PDE4B: variants seen among roughly 807,000 people sequenced by gnomAD.
The protein encoded by PDE4B is phosphodiesterase 4B.
PDE4B carries 20 observed loss-of-function variants against 82.2 expected under a neutral mutation model. That is an observed-to-expected ratio of 0.24 (90% CI 0.17 to 0.35). The LOEUF is 0.35. Among genes scored for constraint, PDE4B ranks in the 10% least tolerant of loss-of-function variants. The pLI, the probability that PDE4B is intolerant of heterozygous loss-of-function variation, is 1.00. For synonymous variants in PDE4B, 320 were observed against 318.9 expected, an observed-to-expected ratio of 1.00 and a Z score of -0.04; for missense variants, 655 against 907.2, an observed-to-expected ratio of 0.72 and a Z score of 3.57.
At chr1:66,200,261 G>A (rs1251295344) in intron 3 of PDE4B, among the ~76,000 whole-genome samples, 3 of 152,182 alleles carry the variant, frequency 2.0e-5, no homozygotes, top group Non-Finnish European at 4.4e-5. Flanking sequence ...TTATAGTATA[G>A]TTTGAAGTCA....
intron 1 of PDE4B, among the ~76,000 whole-genome samples, chr1:65,875,632 T>C (rs1646631121): frequency 6.7e-6 from 1 of 149,070 alleles, no homozygotes; most frequent in South Asian, 2.2e-4. Flanking sequence ...TAAAAAATGA[T>C]GAGTTCATGT....
intron 1 of PDE4B, among the ~76,000 whole-genome samples, chr1:65,845,791 T>C (rs961318334): frequency 2.6e-4 from 39 of 152,146 alleles, no homozygotes; most frequent in African/African-American, 9.4e-4. Context: ...CTCTTTCAGA[T>C]TGAGGAAGTC....
chr1:65,799,221 A>G (rs1357413205), intron 1 of PDE4B, among the ~76,000 whole-genome samples: 1 of 152,208 alleles, frequency 6.6e-6, no homozygotes, highest in East Asian at 1.9e-4. Flanking sequence ...CTGACATGTT[A>G]AAAAGCCATA....
At chr1:65,910,110 G>A (rs935670898) in intron 1 of PDE4B, among the ~76,000 whole-genome samples, 2 of 152,160 alleles carry the variant, frequency 1.3e-5, no homozygotes, top group Admixed American at 6.5e-5. Context: ...CACTTGTCTT[G>A]ATAATTGTGC....
At chr1:66,325,594 A>G (rs1659695015) in intron 7 of PDE4B, among the ~76,000 whole-genome samples, 1 of 152,218 alleles carries the variant, frequency 6.6e-6, no homozygotes, top group Non-Finnish European at 1.5e-5. Context: ...TCTATATTTT[A>G]GAAGTGGAAA....
chr1:66,254,788 C>G (rs1402561651), intron 4 of PDE4B, among the ~76,000 whole-genome samples: 1 of 152,190 alleles, frequency 6.6e-6, no homozygotes, highest in African/African-American at 2.4e-5. Flanking sequence ...TGCAAAACCT[C>G]TGGGCTCTCT....
chr1:65,878,396 A>T (rs1369759656), intron 1 of PDE4B, among the ~76,000 whole-genome samples: 1 of 152,228 alleles, frequency 6.6e-6, no homozygotes, highest in Non-Finnish European at 1.5e-5. Flanking sequence ...TACCCAAAGG[A>T]TTATATATCA....
intron 7 of PDE4B, among the ~76,000 whole-genome samples, chr1:66,313,539 T>C (rs999577019): frequency 2.0e-5 from 3 of 152,200 alleles, no homozygotes; most frequent in Non-Finnish European, 4.4e-5. Context: ...TAAGGTCCCT[T>C]CCAGATTCAA....
At chr1:65,794,990 A>C (rs1645614621) in intron 1 of PDE4B, among the ~76,000 whole-genome samples, 1 of 152,220 alleles carries the variant, frequency 6.6e-6, no homozygotes, top group African/African-American at 2.4e-5. Context: ...CCTGTTAGAC[A>C]TACTGTTTGC....
intron 3 of PDE4B, among the ~76,000 whole-genome samples, chr1:66,038,680 G>A (rs1296282858): frequency 2.6e-5 from 4 of 152,120 alleles, no homozygotes; most frequent in African/African-American, 9.7e-5. Flanking sequence ...ACTTGTGATT[G>A]TTTTGTAAAT....
Position 66,272,779 on chromosome 1 carries a change from CTTTTTT to C in PDE4B, c.634+6712_634+6717del, listed in dbSNP as rs869201227. Among the ~76,000 whole-genome samples, 34 of 61,674 alleles carry C rather than the reference CTTTTTT, an allele frequency of 5.5e-4. No individual in the cohort carries two copies. The East Asian group carries it at 9.1e-3, about 16-fold the overall frequency. The allele number at this position is 61,674 out of a possible 152,430, so 40.5% of individuals were successfully genotyped here. On this transcript the variant is annotated intron_variant, in intron 7 of 16. Transcript: ENST00000341517. Reference sequence around the variant, plus strand: ...CAGCTTCCATTCTGGTACTAGAATTCTTTTTTTTTTTTTTTTTTTTTTTTTGGAGGG... The same window carrying C: ...CAGCTTCCATTCTGGTACTAGAATTCTTTTTTTTTTTTTTTTTTTGGAGGG...
chr1:66,208,552 A>G (rs1649753165), intron 3 of PDE4B, among the ~76,000 whole-genome samples: 1 of 152,178 alleles, frequency 6.6e-6, no homozygotes, highest in African/African-American at 2.4e-5. Flanking sequence ...GAATATTCCC[A>G]TTTCTTTCTT....
chr1:65,837,238 C>T (rs535396096), intron 1 of PDE4B, among the ~76,000 whole-genome samples: 1 of 152,190 alleles, frequency 6.6e-6, no homozygotes, highest in African/African-American at 2.4e-5. Flanking sequence ...AAGGGCTTAT[C>T]ACATTTAAAT....
chr1:66,362,704 T>C (rs7546103), intron 10 of PDE4B, among the ~76,000 whole-genome samples: 5,307 of 152,254 alleles, frequency 0.035, 298 homozygotes, highest in African/African-American at 0.12. Flanking sequence ...GGTTGACTTA[T>C]GCACATTCTG....
chr1:65,957,334 T>C (rs1293431327), intron 3 of PDE4B, among the ~76,000 whole-genome samples: 1 of 152,152 alleles, frequency 6.6e-6, no homozygotes, highest in East Asian at 1.9e-4. Flanking sequence ...CCACCATTCG[T>C]TGACTGATCT....
At chr1:66,040,933 T>G (rs1654333667) in intron 3 of PDE4B, among the ~76,000 whole-genome samples, 1 of 151,964 alleles carries the variant, frequency 6.6e-6, no homozygotes, top group Non-Finnish European at 1.5e-5. Context: ...TAATTTTGCC[T>G]AAAATCTGAT....
chr1:66,303,103 G>A (rs1350644933), intron 7 of PDE4B, among the ~76,000 whole-genome samples: 1 of 152,112 alleles, frequency 6.6e-6, no homozygotes, highest in Non-Finnish European at 1.5e-5. Context: ...AGTCATTCAT[G>A]AGTGGTTATT....
chr1:66,016,977 A>G (rs558992538), intron 3 of PDE4B, among the ~76,000 whole-genome samples: 2 of 152,224 alleles, frequency 1.3e-5, no homozygotes, highest in Non-Finnish European at 2.9e-5. Context: ...CTCTTTGGCC[A>G]TTCTTGCAGA....
At chr1:66,309,626 A>G (rs1658529756) in intron 7 of PDE4B, among the ~76,000 whole-genome samples, 1 of 152,180 alleles carries the variant, frequency 6.6e-6, no homozygotes, top group Non-Finnish European at 1.5e-5. Context: ...TTGGAATCAG[A>G]CAGTCTTGGA....
Sources: allele counts gnomAD v4.1 joint callset (sites outside exome capture counted in the v4.1 genomes callset), GRCh38; gene constraint gnomAD v4.1.1; transcripts MANE v1.5; gene names NCBI Gene and HGNC (gene_info 2026-07-23, HGNC 2026-07-21).